PCDHGC5: variants seen among roughly 807,000 people sequenced by gnomAD.
The protein encoded by PCDHGC5 is protocadherin gamma subfamily C, 5.
A neutral mutation model predicts 59.0 loss-of-function variants in PCDHGC5; 25 were observed. The ratio of observed to expected loss-of-function variants is 0.42; its 90% CI spans 0.31 to 0.59. PCDHGC5 has a LOEUF of 0.59. Ranked by LOEUF, PCDHGC5 falls within the 20% of genes least tolerant of loss-of-function variation. The pLI, the probability that PCDHGC5 is intolerant of heterozygous loss-of-function variation, is 0.13. For missense variants in PCDHGC5, 1,067 were observed against 1,206.4 expected, an observed-to-expected ratio of 0.88 and a Z score of 1.71; for synonymous variants, 434 against 505.5, an observed-to-expected ratio of 0.86 and a Z score of 1.90.
chr5:141,492,602 C>G (rs1352851783), intron 1 of PCDHGC5, among the ~76,000 whole-genome samples: 2 of 152,222 alleles, frequency 1.3e-5, no homozygotes, highest in Non-Finnish European at 2.9e-5. Flanking sequence ...GAGCGACTGC[C>G]GCTCTAAGTG....
chr5:141,489,610 C>G lies in PCDHGC5; in HGVS notation c.370C>G (p.Leu124Val), dbSNP rs142775705. 3,083 of 1,614,088 alleles carry G rather than the reference C, an allele frequency of 1.9e-3. 6 individuals are homozygous for G. Among genetic ancestry groups the G allele is most frequent in the Non-Finnish European group, 2.4e-3 (2,793 of 1,179,988 alleles). Reference protein sequence around the residue: ...LELIRVEVEILDLNDNSPSFA... With the variant: ...LELIRVEVEIVDLNDNSPSFA... ...GCTAATCCGTGTAGAGGTAGAGATC[C>G]TGGATCTCAATGACAACTCTCCTAG... The change falls in exon 1 of 4, where the codon CTG (leucine) becomes GTG (valine). Residue 124 changes from leucine to valine, a missense_variant. By Grantham distance (32) the Leu-to-Val change is conservative. Transcript: ENST00000252087. The surrounding 1 kb of genome is among the most constrained non-coding windows in gnomAD (Gnocchi z 4.5).
Position 141,489,552 on chromosome 5 carries a change from G to T in PCDHGC5, c.312G>T (p.Leu104=), listed in dbSNP as rs2099688780. ...GTGGAGCCAGCACCAGCTGCCTGCTGCCAGTGCAGGTGGTGACTGAACACC... is the reference window on the plus strand; with the variant it reads ...GTGGAGCCAGCACCAGCTGCCTGCTTCCAGTGCAGGTGGTGACTGAACACC... The part of the protein sequence containing the change: ...SLCGASTSCL[L]PVQVVTEHPL... The change falls in exon 1 of 4, where the codon CTG becomes CTT. Residue 104 remains leucine, a synonymous_variant. Coordinates refer to ENST00000252087, the MANE Select transcript of PCDHGC5 (RefSeq NM_018929.3). The surrounding 1 kb of genome is among the most constrained non-coding windows in gnomAD (Gnocchi z 4.5). The T allele has an allele frequency of 6.2e-7, 1 of 1,613,988 alleles. No homozygotes were observed. The highest frequency in any genetic ancestry group is 1.7e-5 in the Admixed American group (1 of 60,000).
chr5:141,489,723 T>C lies in PCDHGC5; in HGVS notation c.483T>C (p.Asp161=), dbSNP rs900332220. ...CACTGGACAGTGCCCAGGATCCGGA[T>C]GTGGGCACCAATACTGTGAGCTTTT... ...RFPLDSAQDP[D]VGTNTVSFYT... The change falls in exon 1 of 4, where the codon GAT becomes GAC. Residue 161 remains aspartate, a synonymous_variant. Coordinates refer to ENST00000252087, the MANE Select transcript of PCDHGC5 (RefSeq NM_018929.3). This position sits in a 1 kb window ranked among gnomAD's most constrained non-coding sequence, Gnocchi z 4.5. 4.3e-6 allele frequency: 7 copies of C among 1,613,958 alleles called. No homozygotes were observed. The highest frequency in any genetic ancestry group is 5.9e-6 in the Non-Finnish European group (7 of 1,179,940).
rs376395066 is a variant in PCDHGC5 at position 141,490,681 on chromosome 5, C to G, written c.1441C>G (p.Pro481Ala). The change falls in exon 1 of 4, where the codon CCA becomes GCA. Residue 481 changes from proline (P) to alanine (A), a missense_variant. Physicochemically the swap from Pro to Ala is conservative, Grantham distance 27 (BLOSUM62 -1). Transcript: ENST00000252087. The surrounding 1 kb of genome is among the most constrained non-coding windows in gnomAD (Gnocchi z 5.4). ...TCTTTGCACTGTGGCTGCCTCAGATCCAGACACTGGGGATAATGCCCGCCT... is the reference window on the plus strand; with the variant it reads ...TCTTTGCACTGTGGCTGCCTCAGATGCAGACACTGGGGATAATGCCCGCCT... ...SLLCTVAASD[P>A]DTGDNARLTY... is the part of the protein sequence containing the mutation. 2.5e-6 allele frequency: 4 copies of G among 1,613,998 alleles called. No homozygotes were observed. In the African/African-American group the frequency reaches 4.0e-5, roughly 16 times the overall value.
At chr5:141,500,789 C>G (rs1006758925) in intron 2 of PCDHGC5, among the ~76,000 whole-genome samples, 2 of 152,142 alleles carry the variant, frequency 1.3e-5, no homozygotes, top group African/African-American at 4.8e-5. Flanking sequence ...TATTATTTTA[C>G]AGAATAAGTC....
chr5:141,495,032 G>T, intron 2 of PCDHGC5, 167 bp downstream of exon 2: 1 of 967,732 alleles, frequency 1.0e-6, no homozygotes, highest in Non-Finnish European at 1.2e-6. Flanking sequence ...GACCCCGGAA[G>T]GAAGAGGCGA....
intron 2 of PCDHGC5, among the ~76,000 whole-genome samples, chr5:141,495,811 G>A (rs1164360438): frequency 1.3e-5 from 2 of 151,710 alleles, no homozygotes; most frequent in Admixed American, 1.3e-4. Flanking sequence ...GTTTCCTAGC[G>A]CCTTGTGTTC....
intron 2 of PCDHGC5, among the ~76,000 whole-genome samples, chr5:141,503,700 C>G (rs2099828974): frequency 6.6e-6 from 1 of 152,016 alleles, no homozygotes; most frequent in Non-Finnish European, 1.5e-5. Flanking sequence ...GAGATTCCTG[C>G]TTTCCCCTTC....
At position 141,491,660 on chromosome 5, in the gene PCDHGC5, C is replaced by A; in HGVS notation, c.2420C>A (p.Ala807Asp). Reference protein sequence around the residue: ...QPTALALEPDAIRSRSNTLRE... With the variant: ...QPTALALEPDDIRSRSNTLRE... ...ACAGCTCTGGCGCTGGAGCCTGACGCCATCCGGTCCCGCTCTAATACGCTG... is the reference window on the plus strand; with the variant it reads ...ACAGCTCTGGCGCTGGAGCCTGACGACATCCGGTCCCGCTCTAATACGCTG... The change falls in exon 1 of 4, where the codon GCC becomes GAC. Residue 807 changes from alanine to aspartate, a missense_variant. Physicochemically the swap from Ala to Asp is moderately radical, Grantham distance 126 (BLOSUM62 -2). Transcript: ENST00000252087. The surrounding 1 kb of genome is among the most constrained non-coding windows in gnomAD (Gnocchi z 6.9). The A allele has an allele frequency of 6.2e-7, 1 of 1,613,810 alleles. No individual in the cohort carries two copies. The highest frequency in any genetic ancestry group is 8.5e-7 in the Non-Finnish European group (1 of 1,180,008).
Position 141,491,954 on chromosome 5 carries a change from C to A in PCDHGC5, c.2460+254C>A. ...TGGGACCGACCCCCACCCCTACACT[C>A]AAAAAAGGCCGGGGCCTCCTTCGAG... On this transcript the variant is annotated intron_variant, in intron 1 of 3. Transcript: ENST00000252087. This position sits in a 1 kb window ranked among gnomAD's most constrained non-coding sequence, Gnocchi z 6.9. The A allele has an allele frequency of 9.7e-7, 1 of 1,032,914 alleles. No individual in the cohort carries two copies. Among genetic ancestry groups the A allele is most frequent in the Non-Finnish European group, 1.3e-6 (1 of 747,256 alleles). The allele number at this position is 1,032,914 out of a possible 1,614,324, so 64.0% of individuals were successfully genotyped here.
intron 2 of PCDHGC5, among the ~76,000 whole-genome samples, chr5:141,496,505 A>G (rs1166234572): frequency 1.3e-5 from 2 of 152,144 alleles, no homozygotes; most frequent in Non-Finnish European, 2.9e-5. Flanking sequence ...TGTTGCCACA[A>G]GGACCCAGGA....
intron 2 of PCDHGC5, among the ~76,000 whole-genome samples, chr5:141,496,592 T>G (rs948403662): frequency 6.6e-6 from 1 of 152,136 alleles, no homozygotes; most frequent in African/African-American, 2.4e-5. Context: ...GCAAAGCGCT[T>G]CTTAGAAGGC....
chr5:141,510,426 T>C (rs983368750), intron 3 of PCDHGC5, among the ~76,000 whole-genome samples: 1 of 152,084 alleles, frequency 6.6e-6, no homozygotes, highest in African/African-American at 2.4e-5. Flanking sequence ...CATGGTTTCA[T>C]GGCTGCTGCC....
intron 3 of PCDHGC5, among the ~76,000 whole-genome samples, chr5:141,506,012 T>C (rs2099850012): frequency 6.6e-6 from 1 of 152,208 alleles, no homozygotes; most frequent in Non-Finnish European, 1.5e-5. Context: ...CCTCTTTTGC[T>C]GCCCCTAACT....
intron 2 of PCDHGC5, among the ~76,000 whole-genome samples, chr5:141,504,621 T>A (rs1185981312): frequency 7.9e-6 from 1 of 126,856 alleles, no homozygotes; most frequent in Non-Finnish European, 1.6e-5. Flanking sequence ...GATAGGAAAG[T>A]GCACCTTGGA....
chr5:141,494,676 C>G, intron 1 of PCDHGC5, 131 bp from the exon 2 acceptor site: 1 of 1,550,918 alleles, frequency 6.4e-7, no homozygotes, highest in African/African-American at 1.4e-5. Context: ...GAGTCCACCC[C>G]TGCCCCCTCT....
intron 2 of PCDHGC5, among the ~76,000 whole-genome samples, chr5:141,502,186 CA>C (rs1470455379): frequency 1.3e-5 from 2 of 152,148 alleles, no homozygotes; most frequent in Non-Finnish European, 2.9e-5. Context: ...AACATTAATA[CA>C]ATAATATAGA....
In PCDHGC5 at chr5:141,493,930, A is replaced by G. The variant is rs547125826; in HGVS notation, c.2461-877A>G. Among the ~76,000 whole-genome samples the G allele has an allele frequency of 6.6e-6, 1 of 152,268 alleles. No homozygotes were observed. The highest frequency in any genetic ancestry group is 6.5e-5 in the Admixed American group (1 of 15,300). ...TGTGATGGGATAACACACCCCCTGG[A>G]AAGACCAGAAGGGACTCAGGAATGA... On this transcript the variant is annotated intron_variant, in intron 1 of 3. Transcript: ENST00000252087. This position sits in a 1 kb window ranked among gnomAD's most constrained non-coding sequence, Gnocchi z 4.3.
Position 141,490,192 on chromosome 5 carries a change from A to C in PCDHGC5, c.952A>C (p.Ile318Leu). 1 of 1,614,182 alleles carries C rather than the reference A, an allele frequency of 6.2e-7. No homozygotes were observed. Among genetic ancestry groups the C allele is most frequent in the South Asian group, 1.1e-5 (1 of 91,082 alleles). Residue 318 changes from isoleucine to leucine, a missense_variant, in exon 1 of 4, where the codon ATT (isoleucine) becomes CTT (leucine). Ile to Leu is a conservative substitution (Grantham distance 5). Coordinates refer to ENST00000252087, the MANE Select transcript of PCDHGC5 (RefSeq NM_018929.3). The surrounding 1 kb of genome is among the most constrained non-coding windows in gnomAD (Gnocchi z 5.4). Reference sequence around the variant, plus strand: ...CTTTGAGGAGTCACGTTTCTATGAAATTCATGCAAGAGCCCGTGACCAGGG... The same window carrying C: ...CTTTGAGGAGTCACGTTTCTATGAACTTCATGCAAGAGCCCGTGACCAGGG... ...IDFEESRFYEIHARARDQGQP... is the reference protein window; with the variant it reads ...IDFEESRFYELHARARDQGQP...
Sources: gnomAD v4.1 joint callset for allele counts (sites outside exome capture counted in the v4.1 genomes callset) on GRCh38, gnomAD v4.1.1 for gene constraint, Gnocchi (gnomAD v3.1) non-coding constraint, MANE v1.5 for transcripts, NCBI Gene and HGNC (gene_info 2026-07-23, HGNC 2026-07-21) for gene names.